Variants in DOCK9 observed in about 807,000 individuals in gnomAD.
DOCK9 encodes the protein dedicator of cytokinesis 9.
In DOCK9, 89 loss-of-function variants were observed where a neutral mutation model predicts 263.3. The ratio of observed to expected loss-of-function variants is 0.34; its 90% confidence interval spans 0.28 to 0.40. The LOEUF is 0.40. DOCK9 is among the 10% of genes least tolerant of loss of function. DOCK9 has a pLI of 1.00. For synonymous variants in DOCK9, 976 were observed against 973.1 expected (o/e 1.00, Z -0.06); for missense variants, 2,140 against 2,603.4 (o/e 0.82, Z 3.87).
chr13:98,965,328 T>A (rs1021041284), intron 1 of DOCK9, among the ~76,000 whole-genome samples: 1 of 152,196 alleles, frequency 6.6e-6, no homozygotes, highest in African/African-American at 2.4e-5. Context: ...CCACTCTCAT[T>A]CAGTAGTATA....
At chr13:98,868,853 A>G (rs1186660498) in intron 27 of DOCK9, among the ~76,000 whole-genome samples, 1 of 152,224 alleles carries the variant, frequency 6.6e-6, no homozygotes. Flanking sequence ...AAGTGTTCAA[A>G]TACTTCAAAT....
intron 1 of DOCK9, among the ~76,000 whole-genome samples, chr13:99,004,716 G>C (rs1882989718): frequency 6.6e-6 from 1 of 151,654 alleles, no homozygotes; most frequent in African/African-American, 2.4e-5. Flanking sequence ...ATTGTTCATT[G>C]ACATTTGAAA....
At chr13:99,086,883 G>A (rs2042360501), upstream of DOCK9, among the ~76,000 whole-genome samples, 1 of 151,758 alleles carries the variant, frequency 6.6e-6, no homozygotes, top group South Asian at 2.1e-4. Context: ...GCCCCGGGCC[G>A]CACGTCCGAA....
At chr13:98,982,334 T>G (rs1356711223), upstream of DOCK9, among the ~76,000 whole-genome samples, 1 of 152,176 alleles carries the variant, frequency 6.6e-6, no homozygotes, top group African/African-American at 2.4e-5. Flanking sequence ...ACACTCTGAT[T>G]AGTGGAAGGA....
intron 1 of DOCK9, chr13:99,015,563 C>T (rs757094353): frequency 1.0e-5 from 16 of 1,598,128 alleles, no homozygotes; most frequent in South Asian, 2.2e-5. Context: ...CTTTCAAAAA[C>T]GGTGCGGATG....
intron 1 of DOCK9, among the ~76,000 whole-genome samples, chr13:99,055,765 T>A (rs1372101150): frequency 6.6e-6 from 1 of 151,912 alleles, no homozygotes; most frequent in Admixed American, 6.6e-5. Context: ...CTGTGCCTAA[T>A]AAGCCTGTAC....
At chr13:98,839,871 C>A (rs1366234105) in intron 38 of DOCK9, among the ~76,000 whole-genome samples, 2 of 152,226 alleles carry the variant, frequency 1.3e-5, no homozygotes, top group African/African-American at 4.8e-5. Flanking sequence ...CATCTACTCT[C>A]CTTTAGAGTC....
At chr13:98,888,610 A>G (rs767181229) in intron 16 of DOCK9, 22 bp downstream of exon 16, 1 of 1,612,998 alleles carries the variant, frequency 6.2e-7, no homozygotes, top group Non-Finnish European at 8.5e-7. Context: ...AATTCTGTCT[A>G]TTATGTAGAA....
intron 1 of DOCK9, among the ~76,000 whole-genome samples, chr13:99,079,006 G>A (rs974338356): frequency 2.6e-5 from 4 of 152,188 alleles, no homozygotes; most frequent in Admixed American, 6.5e-5. Flanking sequence ...GCCAGTCAAC[G>A]AATGTATATA....
At chr13:99,087,862 G>C (rs1363492949), upstream of DOCK9, 3 of 152,326 alleles carry the variant, frequency 2.0e-5, no homozygotes, top group Non-Finnish European at 4.4e-5. Flanking sequence ...TCCGCAGAGA[G>C]TGGTGGTCTT....
intron 36 of DOCK9, 66 bp from the exon 37 acceptor site, chr13:98,848,705 T>C (rs901343480): frequency 1.4e-6 from 2 of 1,454,438 alleles, no homozygotes; most frequent in African/African-American, 2.8e-5. Context: ...ACGTTATTTA[T>C]CTGTTAACAA....
At chr13:98,884,949 C>G in intron 21 of DOCK9, 22 bp downstream of exon 21, 1 of 1,605,102 alleles carries the variant, frequency 6.2e-7, no homozygotes, top group Non-Finnish European at 8.5e-7. Flanking sequence ...TTGGGATGAC[C>G]CAATCTTAAA....
chr13:98,876,915 T>G (rs539384446), intron 27 of DOCK9, among the ~76,000 whole-genome samples: 36 of 152,342 alleles, frequency 2.4e-4, no homozygotes, highest in Non-Finnish European at 4.9e-4. Context: ...TGGTTAAGCT[T>G]TCTCCTGTGG....
At chr13:98,946,742 CTTCT>C (rs58825994) in intron 2 of DOCK9, among the ~76,000 whole-genome samples, 4,718 of 152,232 alleles carry the variant, frequency 0.031, 235 homozygotes, top group African/African-American at 0.11. Context: ...ACTCTGATTT[CTTCT>C]TTCTGTTTCC....
At chr13:98,986,993 T>C (rs1291581729) in intron 1 of DOCK9, among the ~76,000 whole-genome samples, 1 of 152,124 alleles carries the variant, frequency 6.6e-6, no homozygotes, top group African/African-American at 2.4e-5. Context: ...TCATATAACT[T>C]AGAAGTAATC....
chr13:98,997,658 A>G (rs1463115522), intron 1 of DOCK9, among the ~76,000 whole-genome samples: 1 of 152,198 alleles, frequency 6.6e-6, no homozygotes, highest in Non-Finnish European at 1.5e-5. Flanking sequence ...AGGGATTGCC[A>G]TGGGCAGCCT....
chr13:99,070,183 A>T (rs1416616457), intron 1 of DOCK9, among the ~76,000 whole-genome samples: 1 of 152,186 alleles, frequency 6.6e-6, no homozygotes, highest in Non-Finnish European at 1.5e-5. Context: ...ATTTTACATC[A>T]CAATGCCCAT....
Position 99,030,416 on chromosome 13 carries a change from T to C in DOCK9, c.129+55807A>G, listed in dbSNP as rs1253621531. ...AGCAAGCCTAAGAACCAAACCATGTTAGCAAATGATTAAAGAACAGGTTTC... is the reference window on the plus strand; with the variant it reads ...AGCAAGCCTAAGAACCAAACCATGTCAGCAAATGATTAAAGAACAGGTTTC... On this transcript the variant is annotated intron_variant, in intron 1 of 32. Transcript: ENST00000427887. 5.3e-5 allele frequency among the ~76,000 whole-genome samples: 8 copies of C among 152,338 alleles called. No individual in the cohort carries two copies. In the South Asian group the frequency reaches 1.0e-3, roughly 20 times the overall value.
intron 45 of DOCK9, among the ~76,000 whole-genome samples, chr13:98,813,700 C>T (rs556169720): frequency 3.1e-4 from 47 of 152,182 alleles, no homozygotes; most frequent in African/African-American, 1.1e-3. Flanking sequence ...AGTGCGACGG[C>T]GTGATCTCGG....
Sources: gnomAD v4.1 joint callset for allele counts (sites outside exome capture counted in the v4.1 genomes callset) on GRCh38, gnomAD v4.1.1 for gene constraint, MANE v1.5 for transcripts, NCBI Gene and HGNC (gene_info 2026-07-23, HGNC 2026-07-21) for gene names.